Variants in FBN2 observed in about 807,000 individuals in gnomAD.
The protein encoded by FBN2 is fibrillin-2.
Under a neutral mutation model 355.6 loss-of-function variants are expected in FBN2, and 105 were observed. That is an observed-to-expected ratio of 0.30 (90% CI 0.25 to 0.35). The LOEUF (loss-of-function observed/expected upper bound fraction) is 0.35. Ranked by LOEUF, FBN2 falls within the 10% of genes least tolerant of loss-of-function variation. The pLI, the probability that FBN2 is intolerant of heterozygous loss-of-function variation, is 1.00. For missense variants in FBN2, 3,280 were observed against 3,758.7 expected, an observed-to-expected ratio of 0.87 and a Z score of 3.33; for synonymous variants, 1,350 against 1,301.2, an observed-to-expected ratio of 1.04 and a Z score of -0.81.
chr5:128,309,487 C>T (rs993940643), intron 40 of FBN2, 88 bp from the exon 41 acceptor site: 18 of 1,103,606 alleles, frequency 1.6e-5, no homozygotes, highest in Middle Eastern at 4.0e-4. Context: ...TCAAGCTTTC[C>T]TGATGAACAC....
chr5:128,339,171 C>G (rs760432384), intron 25 of FBN2, 110 bp from the exon 26 acceptor site: 5 of 1,119,146 alleles, frequency 4.5e-6, no homozygotes, highest in East Asian at 4.9e-5. Flanking sequence ...GCTAACAGTA[C>G]AAGGGTATGT....
chr5:128,334,824 T>A lies in FBN2; in HGVS notation c.3994A>T (p.Asn1332Tyr). 1 of 1,612,658 alleles carries A rather than the reference T, an allele frequency of 6.2e-7. No homozygotes were observed. Among genetic ancestry groups the A allele is most frequent in the East Asian group, 2.2e-5 (1 of 44,876 alleles). The stretch of plus-strand genomic sequence containing the variant: ...TCCCCAAACATGCAGATATTTGAAT[T>A]TAGGTCACATTCATTGACATCTAGA... ...TCIDVNECDL[N>Y]SNICMFGECE... Residue 1332 changes from asparagine (N) to tyrosine (Y), a missense_variant, in exon 31 of 65, where the codon AAT (asparagine) becomes TAT (tyrosine). Around this residue, in one of 6 missense-constraint regions of FBN2, gnomAD observed 2,284 missense variants for 2,749.5 expected, o/e 0.83. Coordinates refer to ENST00000262464, the MANE Select transcript of FBN2 (RefSeq NM_001999.4).
Position 128,305,589 on chromosome 5 carries a change from C to T in FBN2, c.5596G>A (p.Asp1866Asn), listed in dbSNP as rs1749846500. The change falls in exon 44 of 65, where the codon GAC becomes AAC. Residue 1866 changes from aspartate to asparagine, a missense_variant. Transcript: ENST00000262464. ...TAACTACCAGGACTATTGATGCAGT[C>T]TGCATTCCGCTGGCAGAGATTATCA... ...NGDNLCQRNA[D>N]CINSPGSYRC... 1.2e-6 allele frequency: 2 copies of T among 1,613,870 alleles called. No homozygotes were observed. The highest frequency in any genetic ancestry group is 1.7e-6 in the Non-Finnish European group (2 of 1,179,908).
At chr5:128,533,325 G>A (rs149298152) in intron 2 of FBN2, among the ~76,000 whole-genome samples, 2,606 of 152,290 alleles carry the variant, frequency 0.017, 32 homozygotes, top group Non-Finnish European at 0.027. Flanking sequence ...ATGGGCTGGA[G>A]ACTGAGCATT....
chr5:128,434,394 G>GTGTATATATATATA (rs377404948), intron 7 of FBN2, among the ~76,000 whole-genome samples: 9 of 91,676 alleles, frequency 9.8e-5, no homozygotes, highest in African/African-American at 3.6e-4. Context: ...AATAAAGTGT[G>GTGTATATATATATA]TATATATATA....
chr5:128,280,347 AGAAAACTGTCAAATTAT>A, intron 55 of FBN2, 30 bp from the exon 56 acceptor site: 1 of 1,569,514 alleles, frequency 6.4e-7, no homozygotes, highest in Non-Finnish European at 8.8e-7. Context: ...ATGAATAATG[AGAAAACTGTCAAATTAT>A]AGTTTACAAG....
chr5:128,277,840 T>C (rs374577668), intron 58 of FBN2, 40 bp downstream of exon 58: 1 of 1,612,286 alleles, frequency 6.2e-7, no homozygotes, highest in South Asian at 1.1e-5. Context: ...AGTAGCTGAT[T>C]AGCCCCCAAA....
rs577499917 is a variant in FBN2, at chr5:128,515,345, G to A, written c.628+3928C>T. Among the ~76,000 whole-genome samples the A allele has an allele frequency of 6.2e-4, 94 of 152,296 alleles. No homozygotes were observed. The Middle Eastern group carries it at 0.01, about 17-fold the overall frequency. On this transcript the variant is annotated intron_variant, in intron 5 of 64. Transcript: ENST00000262464. The stretch of plus-strand genomic sequence containing the variant: ...GTTGTGGTTGACTCCTTTCAGAGAA[G>A]TTGTCATCATCATCTTCCCACTGAA...
Position 128,328,749 on chromosome 5 carries a change from C to T in FBN2, c.4418G>A (p.Arg1473His), listed in dbSNP as rs140812463. The change falls in exon 34 of 65, where the codon CGC becomes CAC. Residue 1473 changes from arginine (R) to histidine (H), a missense_variant. Around this residue, in one of 6 missense-constraint regions of FBN2, gnomAD observed 2,284 missense variants for 2,749.5 expected, o/e 0.83. Coordinates refer to ENST00000262464, the MANE Select transcript of FBN2 (RefSeq NM_001999.4). ...AGTGAAGCCCATCTCACACTCGCAG[C>T]GATATGCACCCGGGACATTAAGGCA... is the stretch of plus-strand genomic sequence containing the variant. ...GQCLNVPGAY[R>H]CECEMGFTPA... The T allele has an allele frequency of 4.7e-5, 76 of 1,613,976 alleles. No homozygotes were observed. The highest frequency in any genetic ancestry group is 8.3e-5 in the Admixed American group (5 of 59,988).
intron 5 of FBN2, among the ~76,000 whole-genome samples, chr5:128,509,220 GTATT>G (rs1277179261): frequency 6.6e-6 from 1 of 152,040 alleles, no homozygotes; most frequent in Non-Finnish European, 1.5e-5. Context: ...CTAAATATAT[GTATT>G]TAGTTTGCTG....
chr5:128,292,797 T>A (rs987073473), intron 48 of FBN2, among the ~76,000 whole-genome samples: 1 of 152,102 alleles, frequency 6.6e-6, no homozygotes, highest in African/African-American at 2.4e-5. Flanking sequence ...CATTTAAGAG[T>A]GACCTAGACA....
intron 55 of FBN2, among the ~76,000 whole-genome samples, chr5:128,281,419 C>G (rs1765541837): frequency 6.6e-6 from 1 of 152,206 alleles, no homozygotes; most frequent in African/African-American, 2.4e-5. Flanking sequence ...GAATAATTTT[C>G]TATCAATGCC....
chr5:128,271,949 G>A, intron 62 of FBN2, 50 bp downstream of exon 62: 4 of 1,605,794 alleles, frequency 2.5e-6, no homozygotes, highest in Non-Finnish European at 3.4e-6. Context: ...CTTATTCAGA[G>A]ACACTTTCAG....
intron 5 of FBN2, among the ~76,000 whole-genome samples, chr5:128,517,388 T>G (rs1384320786): frequency 2.6e-5 from 4 of 152,222 alleles, no homozygotes; most frequent in Non-Finnish European, 5.9e-5. Flanking sequence ...TCAAATAAAC[T>G]TAGCGTTATC....
At chr5:128,479,676 C>T (rs1487494221) in intron 5 of FBN2, among the ~76,000 whole-genome samples, 1 of 151,910 alleles carries the variant, frequency 6.6e-6, no homozygotes, top group Middle Eastern at 3.2e-3. Flanking sequence ...TCTGAAATCC[C>T]AGTGCTTTGG....
At chr5:128,442,598 T>C (rs1753951123) in intron 7 of FBN2, among the ~76,000 whole-genome samples, 1 of 152,166 alleles carries the variant, frequency 6.6e-6, no homozygotes, top group South Asian at 2.1e-4. Flanking sequence ...ATCCGCTGTA[T>C]TACAGAATTA....
intron 32 of FBN2, among the ~76,000 whole-genome samples, chr5:128,332,459 A>T (rs1299308522): frequency 6.6e-6 from 1 of 152,218 alleles, no homozygotes; most frequent in Non-Finnish European, 1.5e-5. Context: ...TTGGAATGCA[A>T]GAAAGCATTT....
At chr5:128,461,101 C>A (rs1754542814) in intron 6 of FBN2, among the ~76,000 whole-genome samples, 2 of 151,900 alleles carry the variant, frequency 1.3e-5, no homozygotes, top group South Asian at 4.2e-4. Flanking sequence ...TGCAATCTAC[C>A]CATCTAACAA....
At chr5:128,466,436 A>T (rs569177385) in intron 5 of FBN2, among the ~76,000 whole-genome samples, 3 of 152,326 alleles carry the variant, frequency 2.0e-5, no homozygotes, top group East Asian at 3.9e-4. Context: ...ATGTTGGTAT[A>T]ATTTTTATGA....
Sources: gnomAD v4.1 joint callset for allele counts (sites outside exome capture counted in the v4.1 genomes callset) on GRCh38, gnomAD v4.1.1 for gene constraint, gnomAD v4.1.1 regional missense constraint, MANE v1.5 for transcripts, NCBI Gene and HGNC (gene_info 2026-07-23, HGNC 2026-07-21) for gene names.